The following COP1 variants were observed in gnomAD, a reference collection of about 807,000 sequenced individuals.
COP1 encodes the protein E3 ubiquitin-protein ligase COP1.
Under a neutral mutation model 101.3 loss-of-function variants are expected in COP1, and 24 were observed. That is an observed-to-expected ratio of 0.24 (90% CI 0.17 to 0.33). The LOEUF is 0.33. Among genes scored for constraint, COP1 ranks in the 10% least tolerant of loss-of-function variants. The probability of loss-of-function intolerance (pLI) is 1.00; values close to 1 mark genes in which losing one functional copy is unlikely to be tolerated. For missense variants in COP1, 663 were observed against 906.2 expected, an observed-to-expected ratio of 0.73 and a Z score of 3.45; for synonymous variants, 347 against 341.9, an observed-to-expected ratio of 1.01 and a Z score of -0.17.
intron 15 of COP1, among the ~76,000 whole-genome samples, chr1:175,989,820 T>C (rs2148748549): frequency 6.6e-6 from 1 of 152,320 alleles, no homozygotes; most frequent in South Asian, 2.1e-4. Context: ...AGATATATTT[T>C]GCATATAATA....
chr1:176,148,325 T>C (rs1469177321), intron 6 of COP1, among the ~76,000 whole-genome samples: 1 of 151,566 alleles, frequency 6.6e-6, no homozygotes, highest in Non-Finnish European at 1.5e-5. Flanking sequence ...CATTTTTAAA[T>C]GAGTAAAAAG....
chr1:176,068,963 G>C (rs1196187144), intron 11 of COP1, among the ~76,000 whole-genome samples: 1 of 152,178 alleles, frequency 6.6e-6, no homozygotes, highest in Non-Finnish European at 1.5e-5. Flanking sequence ...AAGGCAGGTG[G>C]ATCAATGGGG....
chr1:176,068,005 T>C (rs999763314), intron 11 of COP1, among the ~76,000 whole-genome samples: 1 of 152,128 alleles, frequency 6.6e-6, no homozygotes, highest in African/African-American at 2.4e-5. Context: ...ACAAGGGAAC[T>C]TTTCCCATTT....
intron 18 of COP1, among the ~76,000 whole-genome samples, chr1:175,954,969 G>C (rs1174245084): frequency 6.6e-6 from 1 of 152,046 alleles, no homozygotes; most frequent in African/African-American, 2.4e-5. Flanking sequence ...GAATAGAAAA[G>C]GCCAGGTAGG....
At chr1:176,170,769 T>C (rs985739423) in intron 3 of COP1, among the ~76,000 whole-genome samples, 4 of 152,120 alleles carry the variant, frequency 2.6e-5, no homozygotes, top group African/African-American at 7.2e-5. Flanking sequence ...CTTGGAAGCT[T>C]TGAAGGCAGG....
At position 176,081,282 on chromosome 1, in the gene COP1, T is replaced by G; in HGVS notation, c.1147A>C (p.Ser383Arg). The G allele has an allele frequency of 3.2e-6, 5 of 1,579,706 alleles. No individual in the cohort carries two copies. The highest frequency in any genetic ancestry group is 4.3e-6 in the Non-Finnish European group (5 of 1,167,742). ...STRMSRISDD[S>R]RTASQLDEFQ... ...TCATCCAACTGGCTTGCAGTTCGAC[T>G]GTCATCTATATGAAAAAAAAAAAAA... The change falls in exon 11 of 20, where the codon AGT (serine) becomes CGT (arginine). Residue 383 changes from serine to arginine, a missense_variant. Transcript: ENST00000367669.
intron 2 of COP1, 55 bp downstream of exon 2, chr1:176,184,578 T>A: frequency 7.3e-7 from 1 of 1,370,774 alleles, no homozygotes; most frequent in South Asian, 1.3e-5. Flanking sequence ...TGGCTACATT[T>A]ACAGATAAGT....
At chr1:176,088,010 A>C (rs1466031826) in intron 9 of COP1, among the ~76,000 whole-genome samples, 4 of 152,214 alleles carry the variant, frequency 2.6e-5, no homozygotes, top group African/African-American at 9.6e-5. Context: ...CAGGATAGAA[A>C]ACCAAACACC....
intron 1 of COP1, among the ~76,000 whole-genome samples, chr1:176,205,981 G>A (rs1700802115): frequency 6.6e-6 from 1 of 152,142 alleles, no homozygotes; most frequent in South Asian, 2.1e-4. Context: ...TTCCTAAGTG[G>A]CCCATCCTTT....
chr1:175,989,617 G>A, intron 15 of COP1, 138 bp from the exon 16 acceptor site: 1 of 562,222 alleles, frequency 1.8e-6, no homozygotes, highest in South Asian at 2.4e-5. Context: ...CAAAGGAAAA[G>A]GAATCCTTTT....
chr1:176,102,746 C>T (rs533294136), intron 9 of COP1, among the ~76,000 whole-genome samples: 14 of 152,320 alleles, frequency 9.2e-5, no homozygotes, highest in African/African-American at 3.4e-4. Context: ...TCTGACCCTC[C>T]TTAAACTGTT....
At chr1:176,125,107 T>G (rs999794601) in intron 8 of COP1, among the ~76,000 whole-genome samples, 2 of 152,108 alleles carry the variant, frequency 1.3e-5, no homozygotes, top group Non-Finnish European at 2.9e-5. Flanking sequence ...TTATTCGATT[T>G]TTTTTTTCCT....
chr1:176,181,756 G>A (rs1048313305), intron 2 of COP1, among the ~76,000 whole-genome samples: 3 of 151,960 alleles, frequency 2.0e-5, no homozygotes, highest in African/African-American at 4.8e-5. Context: ...CAGGAGAATC[G>A]CTGGAATATC....
intron 15 of COP1, among the ~76,000 whole-genome samples, chr1:175,998,107 T>C (rs1227072350): frequency 1.8e-5 from 2 of 110,000 alleles, no homozygotes; most frequent in African/African-American, 7.8e-5. Flanking sequence ...GTGGCACATA[T>C]ACACCATGGA....
intron 8 of COP1, among the ~76,000 whole-genome samples, chr1:176,130,188 T>C (rs976813393): frequency 1.5e-4 from 22 of 151,660 alleles, no homozygotes; most frequent in Non-Finnish European, 2.7e-4. Context: ...AACAAAAATG[T>C]TTTGCTTTAT....
chr1:175,973,854 T>A (rs1057180093), intron 18 of COP1, among the ~76,000 whole-genome samples: 5 of 152,116 alleles, frequency 3.3e-5, no homozygotes, highest in Admixed American at 3.3e-4. Context: ...GAAAGGGTAT[T>A]TGGGAACAGT....
chr1:176,042,090 C>A (rs1054072882), intron 14 of COP1, among the ~76,000 whole-genome samples: 4 of 151,542 alleles, frequency 2.6e-5, no homozygotes, highest in African/African-American at 9.7e-5. Context: ...CCAGTCTGGG[C>A]AGCAGAGCGA....
At chr1:175,983,279 G>T (rs1018107832) in intron 18 of COP1, among the ~76,000 whole-genome samples, 3 of 152,188 alleles carry the variant, frequency 2.0e-5, no homozygotes, top group Admixed American at 1.3e-4. Flanking sequence ...GGGACCCAGT[G>T]GGAGGTAAAT....
At chr1:176,081,340 AAGTC>A in intron 10 of COP1, 53 bp from the exon 11 acceptor site, 4 of 1,410,916 alleles carry the variant, frequency 2.8e-6, no homozygotes, top group Non-Finnish European at 3.8e-6. Flanking sequence ...ACTGCAAAGT[AAGTC>A]AAAGAGCCAC....
Sources: allele counts gnomAD v4.1 joint callset (sites outside exome capture counted in the v4.1 genomes callset), GRCh38; gene constraint gnomAD v4.1.1; transcripts MANE v1.5; gene names NCBI Gene and HGNC (gene_info 2026-07-23, HGNC 2026-07-21).